The following RALGAPB variants were observed in gnomAD, a reference collection of about 807,000 sequenced individuals.
The protein encoded by RALGAPB is ral GTPase-activating protein subunit beta.
Under a neutral mutation model 161.1 loss-of-function variants are expected in RALGAPB, and 25 were observed. That is an observed-to-expected ratio of 0.16 (90% CI 0.11 to 0.22). RALGAPB has a LOEUF of 0.22. Ranked by LOEUF, RALGAPB falls within the 10% of genes least tolerant of loss-of-function variation. The pLI is 1.00. For synonymous variants in RALGAPB, 629 were observed against 626.1 expected (o/e 1.00, Z -0.07); for missense variants, 1,391 against 1,815.2 (o/e 0.77, Z 4.25).
intron 22 of RALGAPB, among the ~76,000 whole-genome samples, chr20:38,554,583 G>A (rs1247944614): frequency 6.6e-6 from 1 of 152,180 alleles, no homozygotes; most frequent in South Asian, 2.1e-4. Context: ...CTGCTTGCCA[G>A]CTATGTGGTC....
chr20:38,570,878 G>A (rs770249266), intron 28 of RALGAPB, 31 bp downstream of exon 28: 37 of 1,450,320 alleles, frequency 2.6e-5, no homozygotes, highest in East Asian at 2.1e-4. Flanking sequence ...GTTCATCAGC[G>A]TGTCTTTTTT....
Position 38,517,780 on chromosome 20 carries a change from A to T in RALGAPB, c.1201-4A>T, listed in dbSNP as rs1459965623. On this transcript the variant is annotated splice_polypyrimidine_tract_variant and splice_region_variant and intron_variant, in intron 8 of 29. Transcript: ENST00000262879. Reference sequence around the variant, plus strand: ...ATGGGTGTATTCTTGTGTTCGTCTAATAGGTTAGTACTGCTCATGCCTCTA... The same window carrying T: ...ATGGGTGTATTCTTGTGTTCGTCTATTAGGTTAGTACTGCTCATGCCTCTA... 1.2e-6 allele frequency: 2 copies of T among 1,610,280 alleles called. No homozygotes were observed. The highest frequency in any genetic ancestry group is 1.7e-6 in the Non-Finnish European group (2 of 1,176,586).
Position 38,488,381 on chromosome 20 carries a change from C to A in RALGAPB, c.-30-22C>A, listed in dbSNP as rs1007890315. On this transcript the variant is annotated intron_variant, in intron 1 of 29. Coordinates refer to ENST00000262879, the MANE Select transcript of RALGAPB (RefSeq NM_020336.4). ...ATTTCCAATAGTATAATTTGACATG[C>A]ATTTCTGTTTTGTCTTTTCAGGTGC... 64 of 1,399,720 alleles carry A rather than the reference C, an allele frequency of 4.6e-5. No individual in the cohort carries two copies. In the East Asian group the frequency reaches 1.4e-3, roughly 32 times the overall value. The allele number at this position is 1,399,720 out of a possible 1,614,324, so 86.7% of individuals were successfully genotyped here. A position where few individuals can be genotyped will look rare whatever the true frequency, so the allele number is the denominator to read the frequency against.
intron 1 of RALGAPB, among the ~76,000 whole-genome samples, chr20:38,483,189 T>C (rs1568897334): frequency 6.6e-6 from 1 of 152,222 alleles, no homozygotes; most frequent in African/African-American, 2.4e-5. Flanking sequence ...ATACCTGGCC[T>C]TATTCTATTA....
At chr20:38,494,638 C>A (rs1202159178) in intron 3 of RALGAPB, among the ~76,000 whole-genome samples, 1 of 152,020 alleles carries the variant, frequency 6.6e-6, no homozygotes, top group Non-Finnish European at 1.5e-5. Flanking sequence ...TCAAACAAAA[C>A]AAAACAAAAC....
chr20:38,475,232 T>A (rs1424498604), intron 1 of RALGAPB, among the ~76,000 whole-genome samples: 1 of 152,216 alleles, frequency 6.6e-6, no homozygotes, highest in Non-Finnish European at 1.5e-5. Flanking sequence ...TTGTTGGTAT[T>A]TGGTAAATAC....
At chr20:38,512,623 G>A (rs540753182) in intron 6 of RALGAPB, among the ~76,000 whole-genome samples, 1 of 152,326 alleles carries the variant, frequency 6.6e-6, no homozygotes, top group South Asian at 2.1e-4. Flanking sequence ...AAGTGATACT[G>A]TTTTGGCACC....
At chr20:38,543,485 C>T (rs771634159) in intron 18 of RALGAPB, among the ~76,000 whole-genome samples, 4 of 152,164 alleles carry the variant, frequency 2.6e-5, no homozygotes, top group Non-Finnish European at 4.4e-5. Flanking sequence ...TATTCTATTG[C>T]AAAACTCATC....
At chr20:38,561,101 G>A (rs549937033) in intron 23 of RALGAPB, among the ~76,000 whole-genome samples, 3 of 152,278 alleles carry the variant, frequency 2.0e-5, no homozygotes, top group East Asian at 1.9e-4. Context: ...CGAGGCGCGC[G>A]GATCACGAGG....
intron 22 of RALGAPB, among the ~76,000 whole-genome samples, chr20:38,556,380 T>C (rs1003031279): frequency 1.3e-5 from 2 of 152,088 alleles, no homozygotes; most frequent in Non-Finnish European, 2.9e-5. Context: ...GTCAATGAAA[T>C]GTTAAACTAA....
intron 16 of RALGAPB, among the ~76,000 whole-genome samples, chr20:38,535,509 A>T (rs2086777737): frequency 6.6e-6 from 1 of 152,160 alleles, no homozygotes; most frequent in Non-Finnish European, 1.5e-5. Context: ...TTTGTAAAAA[A>T]TGATTATCCT....
At position 38,510,137 on chromosome 20, in the gene RALGAPB, C is replaced by T. The variant is rs1275175337; in HGVS notation, c.872+929C>T. Among the ~76,000 whole-genome samples the T allele has an allele frequency of 8.1e-5, 8 of 98,370 alleles. No individual in the cohort carries two copies. The African/African-American group carries it at 1.0e-3, about 12-fold the overall frequency. 64.5% of individuals were successfully genotyped at this position (98,370 alleles called of 152,430 possible). On this transcript the variant is annotated intron_variant, in intron 6 of 29. Transcript: ENST00000262879. ...ATAAACACACACACGCACATACACA[C>T]ACACACACACACACACACACACACA...
intron 18 of RALGAPB, 61 bp downstream of exon 18, chr20:38,541,253 T>C (rs754136697): frequency 6.7e-7 from 1 of 1,488,962 alleles, no homozygotes; most frequent in Non-Finnish European, 9.1e-7. Context: ...CAGTGATCCA[T>C]GTTGTTTCAT....
chr20:38,545,557 G>C (rs1445558871), intron 18 of RALGAPB, among the ~76,000 whole-genome samples: 1 of 152,146 alleles, frequency 6.6e-6, no homozygotes, highest in Non-Finnish European at 1.5e-5. Context: ...CTCTCAGCTT[G>C]AATGGCCTCT....
chr20:38,480,385 CTTTTTTTTTT>C (rs71189925), intron 1 of RALGAPB, among the ~76,000 whole-genome samples: 16 of 128,726 alleles, frequency 1.2e-4, no homozygotes, highest in South Asian at 2.4e-4. Flanking sequence ...TTCTTTCTTT[CTTTTTTTTTT>C]TTTTTTTTTG....
chr20:38,542,581 G>T (rs2087006335), intron 18 of RALGAPB, among the ~76,000 whole-genome samples: 1 of 152,160 alleles, frequency 6.6e-6, no homozygotes, highest in Admixed American at 6.5e-5. Context: ...AAGACCATGT[G>T]TGGGCCAGGG....
chr20:38,496,549 A>G (rs1600855978), intron 3 of RALGAPB, among the ~76,000 whole-genome samples: 1 of 152,156 alleles, frequency 6.6e-6, no homozygotes, highest in East Asian at 1.9e-4. Context: ...CAAAATTCTC[A>G]GTGGTCTACT....
chr20:38,511,709 TG>T (rs547069046), intron 6 of RALGAPB, among the ~76,000 whole-genome samples: 122 of 152,368 alleles, frequency 8.0e-4, no homozygotes, highest in African/African-American at 2.6e-3. Flanking sequence ...CAGAACAAAA[TG>T]GAGTCTCCTA....
At chr20:38,574,063 T>G in intron 28 of RALGAPB, 87 bp from the exon 29 acceptor site, 1 of 1,364,528 alleles carries the variant, frequency 7.3e-7, no homozygotes, top group South Asian at 1.5e-5. Context: ...TTACTAATCT[T>G]AGGCTATATG....
Sources: gnomAD v4.1 joint callset for allele counts (sites outside exome capture counted in the v4.1 genomes callset) on GRCh38, gnomAD v4.1.1 for gene constraint, MANE v1.5 for transcripts, NCBI Gene and HGNC (gene_info 2026-07-23, HGNC 2026-07-21) for gene names.